Variants in TUT7 observed in about 807,000 individuals in gnomAD.
TUT7 encodes the protein terminal uridylyltransferase 7.
TUT7 carries 33 observed loss-of-function variants against 165.9 expected under a neutral mutation model. The observed-to-expected ratio is 0.20, with a 90% CI of 0.15 to 0.27. TUT7 has a LOEUF of 0.27. TUT7 is among the 10% of genes least tolerant of loss of function. TUT7 has a pLI of 1.00. For synonymous variants in TUT7, 552 were observed against 608.1 expected (o/e 0.91, Z 1.36); for missense variants, 1,338 against 1,762.3 (o/e 0.76, Z 4.31).
At chr9:86,303,948 C>A (rs973766562) in intron 24 of TUT7, among the ~76,000 whole-genome samples, 2 of 152,140 alleles carry the variant, frequency 1.3e-5, no homozygotes, top group African/African-American at 4.8e-5. Context: ...AATACACTTA[C>A]GTTAAATTTT....
In TUT7 at chr9:86,311,960, C is replaced by T. The variant is rs1266398502; in HGVS notation, c.3275-1151G>A. 6.6e-6 allele frequency among the ~76,000 whole-genome samples: 1 copy of T among 152,200 alleles called. No homozygotes were observed. Among genetic ancestry groups the T allele is most frequent in the East Asian group, 1.9e-4 (1 of 5,180 alleles). On this transcript the variant is annotated intron_variant, in intron 17 of 26. Transcript: ENST00000375963. The surrounding 1 kb of genome is among the most constrained non-coding windows in gnomAD (Gnocchi z 4.4). The stretch of plus-strand genomic sequence containing the variant: ...AGGCTGGAGTGCAGTGGCGTGATCT[C>T]GGCCCGCTACAACCTCCACCTCCCA...
At chr9:86,349,155 T>A (rs572279986) in intron 2 of TUT7, among the ~76,000 whole-genome samples, 1 of 151,960 alleles carries the variant, frequency 6.6e-6, no homozygotes. Context: ...GGCAGGCACC[T>A]GTAATCCCAG....
At position 86,340,019 on chromosome 9, in the gene TUT7, G is replaced by C; in HGVS notation, c.1208+17C>G. 1 of 1,608,572 alleles carries C rather than the reference G, an allele frequency of 6.2e-7. No homozygotes were observed. Among genetic ancestry groups the C allele is most frequent in the Non-Finnish European group, 8.5e-7 (1 of 1,175,022 alleles). On this transcript the variant is annotated intron_variant, in intron 8 of 26. Coordinates refer to ENST00000375963, the MANE Select transcript of TUT7 (RefSeq NM_024617.4). ...CAAGTTGAGAGTTAGTAAATAAACA[G>C]TTTAAAGAAATGAGACCTTTGCTTT... is the stretch of plus-strand genomic sequence containing the variant.
chr9:86,354,161 A>C (rs1189827740), intron 1 of TUT7, 110 bp downstream of exon 1: 1 of 152,548 alleles, frequency 6.6e-6, no homozygotes, highest in Non-Finnish European at 1.5e-5. Context: ...CAGTCTGACA[A>C]AAAGTGAAAA....
chr9:86,342,807 T>C (rs1247103238), intron 6 of TUT7, among the ~76,000 whole-genome samples: 1 of 152,198 alleles, frequency 6.6e-6, no homozygotes, highest in African/African-American at 2.4e-5. Flanking sequence ...GAAAATTTAC[T>C]CTTTTTAAGT....
At chr9:86,344,899 G>A in intron 5 of TUT7, 78 bp downstream of exon 5, 8 of 1,297,594 alleles carry the variant, frequency 6.2e-6, no homozygotes, top group Non-Finnish European at 7.3e-6. Context: ...ATTTTTATTT[G>A]ATGAAAATTA....
intron 26 of TUT7, among the ~76,000 whole-genome samples, chr9:86,300,071 T>C (rs1826736033): frequency 6.6e-6 from 1 of 152,234 alleles, no homozygotes; most frequent in African/African-American, 2.4e-5. Flanking sequence ...TTCTTTTAAA[T>C]ACATTTTCCT....
rs985841708 is a variant in TUT7, at chr9:86,288,624, C to T, written c.*53G>A. 29 of 1,422,852 alleles carry T rather than the reference C, an allele frequency of 2.0e-5. No homozygotes were observed. Among genetic ancestry groups the T allele is most frequent in the African/African-American group, 1.1e-4 (8 of 70,932 alleles). 88.1% of individuals were successfully genotyped at this position (1,422,852 alleles called of 1,614,324 possible). On this transcript the variant is annotated 3_prime_UTR_variant, in exon 27 of 27. Transcript: ENST00000375963. ...GTCCTGTGAAATGAACCTAATTTTC[C>T]GAGTGAATAGGAACGCCTGAGTGGC...
intron 11 of TUT7, 53 bp from the exon 12 acceptor site, chr9:86,325,567 G>A (rs1358800189): frequency 1.1e-5 from 17 of 1,480,566 alleles, no homozygotes; most frequent in East Asian, 2.3e-5. Context: ...AGTACAATCT[G>A]GAAAATTAAA....
chr9:86,343,199 CA>C, intron 5 of TUT7, 36 bp from the exon 6 acceptor site: 1 of 1,282,690 alleles, frequency 7.8e-7, no homozygotes, highest in Non-Finnish European at 1.1e-6. Context: ...GTAATAAATA[CA>C]GTAGAATTTC....
intron 23 of TUT7, 87 bp from the exon 24 acceptor site, chr9:86,305,034 G>A (rs1314896151): frequency 1.8e-5 from 22 of 1,223,976 alleles, no homozygotes; most frequent in Non-Finnish European, 2.3e-5. Context: ...GCCTGGTGGC[G>A]CCTGTTATTC....
chr9:86,345,037 A>G lies in TUT7; in HGVS notation c.937T>C (p.Leu313=), dbSNP rs1436274761. The change falls in exon 5 of 27, where the codon TTG becomes CTG. Residue 313 remains leucine, a synonymous_variant. Transcript: ENST00000375963. The part of the protein sequence containing the change: ...VQEFGLHNEN[L]EQRLEIKRIM... ...CGTTTAATTTCCAGCCTCTGTTCCA[A>G]GTTCTCATTGTGTAAGCCAAATTCC... The G allele has an allele frequency of 6.2e-7, 1 of 1,613,736 alleles. No individual in the cohort carries two copies.
intron 2 of TUT7, among the ~76,000 whole-genome samples, chr9:86,348,854 C>A (rs1832015098): frequency 6.6e-6 from 1 of 152,160 alleles, no homozygotes; most frequent in South Asian, 2.1e-4. Flanking sequence ...TTGGAACATA[C>A]CCATTCACAT....
In TUT7 at chr9:86,299,222, T is replaced by C. The variant is rs576928384; in HGVS notation, c.4420+2054A>G. On this transcript the variant is annotated intron_variant, in intron 26 of 26. Coordinates refer to ENST00000375963, the MANE Select transcript of TUT7 (RefSeq NM_024617.4). ...ACCTGAACAAATAAACCAGTTGGTT[T>C]CAATGGGACAGGTGAGGGCGATCCA... Among the ~76,000 whole-genome samples the C allele has an allele frequency of 3.2e-3, 487 of 152,270 alleles. 6 individuals carry two copies. The highest frequency in any genetic ancestry group is 9.6e-3 in the African/African-American group (400 of 41,540).
At chr9:86,341,719 A>G (rs1456793944) in intron 6 of TUT7, among the ~76,000 whole-genome samples, 1 of 149,738 alleles carries the variant, frequency 6.7e-6, no homozygotes, top group Admixed American at 6.6e-5. Flanking sequence ...CCTGCCTGAA[A>G]CTCTTTTCCC....
At chr9:86,326,177 C>T (rs1449162734) in intron 11 of TUT7, among the ~76,000 whole-genome samples, 4 of 152,234 alleles carry the variant, frequency 2.6e-5, no homozygotes. Flanking sequence ...CTTAATTGCT[C>T]TGTGACTTAG....
rs762610101 is a variant in TUT7, at chr9:86,325,478, C to G, written c.1645G>C (p.Val549Leu). 5.0e-6 allele frequency: 8 copies of G among 1,613,776 alleles called. No individual in the cohort carries two copies. Among genetic ancestry groups the G allele is most frequent in the Non-Finnish European group, 5.1e-6 (6 of 1,179,930 alleles). The part of the protein sequence containing the change: ...LILDVKHQPS[V>L]PVGQLWVELL... ...TCCACCCAGAGCTGCCCAACTGGTA[C>G]TGAAGGCTGGTGTTTCACATCCAAT... The change falls in exon 12 of 27, where the codon GTA becomes CTA. Residue 549 changes from valine to leucine, a missense_variant. Physicochemically the swap from Val to Leu is conservative, Grantham distance 32. Coordinates refer to ENST00000375963, the MANE Select transcript of TUT7 (RefSeq NM_024617.4).
chr9:86,344,941 T>C, intron 5 of TUT7, 36 bp downstream of exon 5: 1 of 1,556,484 alleles, frequency 6.4e-7, no homozygotes, highest in South Asian at 1.2e-5. Flanking sequence ...GAGGTACTTT[T>C]AGGTAGTTAA....
At position 86,340,102 on chromosome 9, in the gene TUT7, G is replaced by C. The variant is rs757292298; in HGVS notation, c.1142C>G (p.Ser381Cys). The change falls in exon 8 of 27, where the codon TCC (serine) becomes TGC (cysteine). Residue 381 changes from serine (S) to cysteine (C), a missense_variant. Physicochemically the swap from Ser to Cys is moderately radical, Grantham distance 112 (BLOSUM62 -1). Around this residue, in one of 7 missense-constraint regions of TUT7, gnomAD observed 434 missense variants for 480.8 expected, o/e 0.90. Transcript: ENST00000375963. ...GAAGTCTGCATCAACATCAATAAAG[G>C]AGTCTGAGGAAAGAAGAAGAAAAAT... The part of the protein sequence containing the change: ...LVQECLKNSD[S>C]FIDVDADFHA... The C allele has an allele frequency of 6.2e-6, 10 of 1,613,174 alleles. No homozygotes were observed. The South Asian group carries it at 9.9e-5, about 16-fold the overall frequency.
Sources: gnomAD v4.1 joint callset for allele counts (sites outside exome capture counted in the v4.1 genomes callset) on GRCh38, gnomAD v4.1.1 for gene constraint, gnomAD v4.1.1 regional missense constraint, Gnocchi (gnomAD v3.1) non-coding constraint, MANE v1.5 for transcripts, NCBI Gene and HGNC (gene_info 2026-07-23, HGNC 2026-07-21) for gene names.